TSNARE1: variants seen among roughly 807,000 people sequenced by gnomAD.
TSNARE1 encodes the protein t-SNARE domain-containing protein 1.
A neutral mutation model predicts 62.0 loss-of-function variants in TSNARE1; 49 were observed. That is an observed-to-expected ratio of 0.79 (90% CI 0.63 to 1.00). The LOEUF (loss-of-function observed/expected upper bound fraction) is 1.00. Among genes scored for constraint, TSNARE1 ranks in the 50% least tolerant of loss-of-function variants. TSNARE1 has a pLI of 0.00. For missense variants in TSNARE1, 755 were observed against 700.1 expected (o/e 1.08, Z -0.88); for synonymous variants, 328 against 294.4 (o/e 1.11, Z -1.17).
rs558699623 is a variant in TSNARE1 at position 142,268,586 on chromosome 8, C to T, written c.1446+6195G>A. Among the ~76,000 whole-genome samples the T allele has an allele frequency of 2.0e-5, 3 of 152,352 alleles. No individual in the cohort carries two copies. In the East Asian group the frequency reaches 5.8e-4, roughly 29 times the overall value. On this transcript the variant is annotated intron_variant, in intron 12 of 13. Transcript: ENST00000524325. Reference sequence around the variant, plus strand: ...CGCTGCCTACCCCAGCATCCAGTCCCTTCCGTCTTAGTAACAAAATCCTGA... The same window carrying T: ...CGCTGCCTACCCCAGCATCCAGTCCTTTCCGTCTTAGTAACAAAATCCTGA...
intron 9 of TSNARE1, among the ~76,000 whole-genome samples, chr8:142,311,290 GTTTTTTTT>G (rs58755110): frequency 3.5e-5 from 2 of 57,336 alleles, no homozygotes; most frequent in South Asian, 6.9e-4. Flanking sequence ...AGCCTCTCTA[GTTTTTTTT>G]TTTTTTTTTT....
At chr8:142,338,570 C>G (rs567558801) in intron 4 of TSNARE1, among the ~76,000 whole-genome samples, 7 of 149,710 alleles carry the variant, frequency 4.7e-5, no homozygotes, top group African/African-American at 1.3e-4. Flanking sequence ...CAGGCTGCCT[C>G]GACCACTGGG....
At chr8:142,244,277 C>T (rs1237377039) in intron 12 of TSNARE1, among the ~76,000 whole-genome samples, 1 of 152,188 alleles carries the variant, frequency 6.6e-6, no homozygotes, top group Non-Finnish European at 1.5e-5. Flanking sequence ...GAAATGAACA[C>T]TTGGCTGACT....
chr8:142,284,622 C>A (rs1400640746), intron 10 of TSNARE1, 137 bp from the exon 11 acceptor site: 2 of 699,674 alleles, frequency 2.9e-6, no homozygotes, highest in East Asian at 2.6e-5. Flanking sequence ...AGCTGGGGAC[C>A]GGCTGGTCTG....
At chr8:142,261,179 T>TA (rs1818866565) in intron 12 of TSNARE1, among the ~76,000 whole-genome samples, 1 of 32,728 alleles carries the variant, frequency 3.1e-5, no homozygotes. Context: ...GAGGGAAGGA[T>TA]GTGGGAGGAA....
chr8:142,288,661 A>G (rs889930983), intron 10 of TSNARE1, among the ~76,000 whole-genome samples: 1 of 152,238 alleles, frequency 6.6e-6, no homozygotes, highest in Non-Finnish European at 1.5e-5. Context: ...TCAGGCCCGC[A>G]GACAGAGGAG....
At chr8:142,270,482 A>C in intron 12 of TSNARE1, 3 of 95,208 alleles carry the variant, frequency 3.2e-5, no homozygotes, top group Non-Finnish European at 3.9e-5. Context: ...ATATATAGGC[A>C]TATATATATA....
intron 4 of TSNARE1, among the ~76,000 whole-genome samples, chr8:142,343,107 C>A (rs1292411637): frequency 6.6e-6 from 1 of 152,200 alleles, no homozygotes; most frequent in African/African-American, 2.4e-5. Flanking sequence ...TAAAGCGATG[C>A]TCTCCCTGGG....
intron 12 of TSNARE1, 97 bp from the exon 13 acceptor site, chr8:142,229,676 G>A (rs1817010894): frequency 3.7e-6 from 4 of 1,071,574 alleles, no homozygotes; most frequent in Non-Finnish European, 5.6e-6. Flanking sequence ...GTGGCATGCA[G>A]GGGCTGAGTC....
intron 10 of TSNARE1, among the ~76,000 whole-genome samples, chr8:142,295,108 C>T (rs1824459481): frequency 6.6e-6 from 1 of 152,204 alleles, no homozygotes; most frequent in Non-Finnish European, 1.5e-5. Context: ...AGTGAGTACA[C>T]AGTGGAGACA....
At chr8:142,227,634 G>A (rs778140270) in intron 13 of TSNARE1, among the ~76,000 whole-genome samples, 3 of 152,248 alleles carry the variant, frequency 2.0e-5, no homozygotes, top group Admixed American at 6.5e-5. Context: ...AGGCCACCTG[G>A]GGTCTTCACA....
intron 4 of TSNARE1, among the ~76,000 whole-genome samples, chr8:142,332,637 G>A (rs908817630): frequency 6.6e-6 from 1 of 152,122 alleles, no homozygotes; most frequent in African/African-American, 2.4e-5. Flanking sequence ...TGGATGGAAC[G>A]CTCGCCCGCT....
intron 1 of TSNARE1, among the ~76,000 whole-genome samples, chr8:142,379,216 C>A (rs989058256): frequency 6.6e-6 from 1 of 152,232 alleles, no homozygotes; most frequent in South Asian, 2.1e-4. Context: ...CATGCCTCAG[C>A]GGGCCGCTGC....
intron 1 of TSNARE1, among the ~76,000 whole-genome samples, chr8:142,393,364 G>A (rs934773183): frequency 6.6e-6 from 1 of 152,250 alleles, no homozygotes; most frequent in Admixed American, 6.5e-5. Context: ...AGGCTTCGCT[G>A]AAACGGGCAC....
At chr8:142,283,132 G>A (rs1378139053) in intron 11 of TSNARE1, among the ~76,000 whole-genome samples, 3 of 150,268 alleles carry the variant, frequency 2.0e-5, no homozygotes, top group South Asian at 2.1e-4. Context: ...GAGCAGAGGC[G>A]GGGCCAGTGT....
At chr8:142,232,517 A>G (rs932000684) in intron 12 of TSNARE1, among the ~76,000 whole-genome samples, 1 of 152,246 alleles carries the variant, frequency 6.6e-6, no homozygotes, top group Non-Finnish European at 1.5e-5. Context: ...AGCTGGAACC[A>G]CAGAAACGGA....
chr8:142,325,302 G>A (rs144771568), intron 6 of TSNARE1, among the ~76,000 whole-genome samples: 219 of 152,342 alleles, frequency 1.4e-3, no homozygotes, highest in African/African-American at 4.7e-3. Context: ...ACAGACTCTG[G>A]GTTTTACTTT....
At chr8:142,279,440 C>T (rs1331793118) in intron 11 of TSNARE1, among the ~76,000 whole-genome samples, 1 of 152,232 alleles carries the variant, frequency 6.6e-6, no homozygotes, top group Non-Finnish European at 1.5e-5. Flanking sequence ...CTGCCCCTCA[C>T]CAGGCACTGG....
chr8:142,228,558 A>G (rs775822490), intron 13 of TSNARE1, among the ~76,000 whole-genome samples: 2 of 152,228 alleles, frequency 1.3e-5, no homozygotes, highest in Non-Finnish European at 2.9e-5. Flanking sequence ...TGTTCTGTGC[A>G]CTGACTGCTA....
Sources: allele counts gnomAD v4.1 joint callset (sites outside exome capture counted in the v4.1 genomes callset), GRCh38; gene constraint gnomAD v4.1.1; transcripts MANE v1.5; gene names NCBI Gene and HGNC (gene_info 2026-07-23, HGNC 2026-07-21).